The following DLGAP2 variants were observed in gnomAD, a reference collection of about 807,000 sequenced individuals.
The protein encoded by DLGAP2 is disks large-associated protein 2.
In DLGAP2, 26 loss-of-function variants were observed where a neutral mutation model predicts 100.3. The observed-to-expected ratio is 0.26, with a 90% CI of 0.19 to 0.36. The LOEUF (loss-of-function observed/expected upper bound fraction) is 0.36. Ranked by LOEUF, DLGAP2 falls within the 10% of genes least tolerant of loss-of-function variation. DLGAP2 has a pLI of 1.00. For missense variants in DLGAP2, 1,858 were observed against 1,453.2 expected, an observed-to-expected ratio of 1.28 and a Z score of -4.53; for synonymous variants, 886 against 630.1, an observed-to-expected ratio of 1.41 and a Z score of -6.08.
chr8:972,400 C>G (rs746897419), intron 2 of DLGAP2, among the ~76,000 whole-genome samples: 3 of 151,990 alleles, frequency 2.0e-5, no homozygotes, highest in African/African-American at 4.8e-5. Flanking sequence ...TGGACACTGA[C>G]AAGAACAGAT....
At chr8:1,516,564 G>A (rs1048828011) in intron 4 of DLGAP2, among the ~76,000 whole-genome samples, 3 of 143,642 alleles carry the variant, frequency 2.1e-5, no homozygotes, top group African/African-American at 5.2e-5. Flanking sequence ...AGTGAATGAG[G>A]GAGGGAGGGC....
intron 2 of DLGAP2, among the ~76,000 whole-genome samples, chr8:1,110,907 G>A (rs1804936424): frequency 6.6e-6 from 1 of 152,132 alleles, no homozygotes; most frequent in East Asian, 1.9e-4. Flanking sequence ...CCCTGTGGAT[G>A]GTGCTTTTGG....
intron 1 of DLGAP2, among the ~76,000 whole-genome samples, chr8:813,531 T>G (rs1305025026): frequency 2.0e-5 from 3 of 152,190 alleles, no homozygotes; most frequent in African/African-American, 7.2e-5. Context: ...CTTAGATTTC[T>G]TCAAACCTAT....
At chr8:911,250 A>G (rs1384489013) in intron 2 of DLGAP2, among the ~76,000 whole-genome samples, 2 of 152,064 alleles carry the variant, frequency 1.3e-5, no homozygotes, top group South Asian at 2.1e-4. Flanking sequence ...TCCATTATGG[A>G]TTCTGTTTCT....
chr8:1,629,622 C>A (rs1461397880), intron 7 of DLGAP2, among the ~76,000 whole-genome samples: 3 of 152,244 alleles, frequency 2.0e-5, no homozygotes, highest in Non-Finnish European at 2.9e-5. Context: ...GAGGATACAG[C>A]AGACTTTCTT....
At chr8:1,066,556 C>T (rs574819358) in intron 2 of DLGAP2, among the ~76,000 whole-genome samples, 36 of 145,346 alleles carry the variant, frequency 2.5e-4, no homozygotes, top group African/African-American at 8.5e-4. Flanking sequence ...TTCCCTACCA[C>T]GGTCAGGTCT....
chr8:1,087,104 C>G (rs1803998849), intron 2 of DLGAP2, among the ~76,000 whole-genome samples: 1 of 151,838 alleles, frequency 6.6e-6, no homozygotes, highest in Non-Finnish European at 1.5e-5. Flanking sequence ...TGAGGAAGTT[C>G]AGAAAATTCA....
At chr8:1,319,720 T>A (rs879892640) in intron 3 of DLGAP2, among the ~76,000 whole-genome samples, 1 of 151,970 alleles carries the variant, frequency 6.6e-6, no homozygotes, top group Admixed American at 6.6e-5. Flanking sequence ...GTCAGAACGA[T>A]GGGAAGAGGC....
Position 1,373,558 on chromosome 8 carries a change from C to G in DLGAP2, c.106+114675C>G. The G allele has an allele frequency of 1.3e-5, 2 of 152,216 alleles. 1 individual carries two copies. Among genetic ancestry groups the G allele is most frequent in the Non-Finnish European group, 2.9e-5 (2 of 68,048 alleles). 9.4% of individuals were successfully genotyped at this position (152,216 alleles called of 1,614,324 possible). A position where few individuals can be genotyped will look rare whatever the true frequency, so the allele number is the denominator to read the frequency against. ...CTCTTCACCAGAGAATGGTTTTTGT[C>G]AACGTTCAGTGAGATCATTTCACCA... On this transcript the variant is annotated intron_variant, in intron 3 of 14. Transcript: ENST00000637795.
rs1466727990 is a variant in DLGAP2 at position 1,082,661 on chromosome 8, T to G, written c.73+174695T>G. ...CTCCTGGAGAAAGATGAGAAGGGCT[T>G]ATTTGAGGACTGCTGGGAGATCAGA... On this transcript the variant is annotated intron_variant, in intron 2 of 14. Transcript: ENST00000637795. 1.3e-5 allele frequency among the ~76,000 whole-genome samples: 2 copies of G among 152,204 alleles called. 1 individual carries two copies. The highest frequency in any genetic ancestry group is 1.3e-4 in the Admixed American group (2 of 15,288).
intron 2 of DLGAP2, among the ~76,000 whole-genome samples, chr8:1,129,202 G>C (rs1004746888): frequency 2.6e-5 from 4 of 152,032 alleles, no homozygotes; most frequent in Non-Finnish European, 4.4e-5. Flanking sequence ...TCAGGAGTTT[G>C]AGACCATCCT....
At chr8:1,196,087 C>G (rs1484222331) in intron 2 of DLGAP2, among the ~76,000 whole-genome samples, 1 of 152,208 alleles carries the variant, frequency 6.6e-6, no homozygotes, top group African/African-American at 2.4e-5. Context: ...TGTGTCATAA[C>G]TTAGGCATCA....
At position 1,703,356 on chromosome 8, in the gene DLGAP2, T is replaced by C. The variant is rs1416224884; in HGVS notation, c.*1950T>C. On this transcript the variant is annotated 3_prime_UTR_variant, in exon 15 of 15. Coordinates refer to ENST00000637795, the MANE Select transcript of DLGAP2 (RefSeq NM_001346810.2). ...ATAAATGAATCCTATTTCCCCAGAG[T>C]GTTCAAGGCATTTTTCTACCTAAAT... 2 of 152,162 alleles carry C rather than the reference T, an allele frequency of 1.3e-5. No individual in the cohort carries two copies. The highest frequency in any genetic ancestry group is 4.8e-5 in the African/African-American group (2 of 41,246). The allele number at this position is 152,162 out of a possible 1,614,324, so 9.4% of individuals were successfully genotyped here.
At chr8:1,264,978 T>G (rs894447638) in intron 3 of DLGAP2, among the ~76,000 whole-genome samples, 1 of 152,218 alleles carries the variant, frequency 6.6e-6, no homozygotes, top group African/African-American at 2.4e-5. Context: ...GACATGCCGT[T>G]GCTCCTCCTT....
At chr8:1,308,217 G>C (rs760824836) in intron 3 of DLGAP2, among the ~76,000 whole-genome samples, 15 of 152,196 alleles carry the variant, frequency 9.9e-5, no homozygotes, top group Non-Finnish European at 1.9e-4. Flanking sequence ...AGGTGTTTTT[G>C]TCTTTTTCGT....
chr8:953,525 C>T (rs546836902), intron 2 of DLGAP2, among the ~76,000 whole-genome samples: 2 of 152,324 alleles, frequency 1.3e-5, no homozygotes, highest in African/African-American at 2.4e-5. Flanking sequence ...TGCTTGGAAG[C>T]TTAAATTTGA....
intron 2 of DLGAP2, among the ~76,000 whole-genome samples, chr8:1,007,930 C>T (rs558994267): frequency 7.9e-5 from 12 of 152,270 alleles, no homozygotes; most frequent in South Asian, 6.2e-4. Context: ...CACTCCATGG[C>T]GCCCGGTCCG....
At chr8:812,154 G>A (rs1461550216) in intron 1 of DLGAP2, among the ~76,000 whole-genome samples, 1 of 152,226 alleles carries the variant, frequency 6.6e-6, no homozygotes, top group Non-Finnish European at 1.5e-5. Context: ...CACAATTGCA[G>A]GGGCTGGTGA....
chr8:1,160,806 T>G (rs536094619), intron 2 of DLGAP2, among the ~76,000 whole-genome samples: 1 of 152,204 alleles, frequency 6.6e-6, no homozygotes, highest in Non-Finnish European at 1.5e-5. Context: ...GGGATGGTTT[T>G]TTCACCACCT....
Sources: allele counts gnomAD v4.1 joint callset (sites outside exome capture counted in the v4.1 genomes callset), GRCh38; gene constraint gnomAD v4.1.1; transcripts MANE v1.5; gene names NCBI Gene and HGNC (gene_info 2026-07-23, HGNC 2026-07-21).